Variants in CACNA1E observed in about 807,000 individuals in gnomAD.
CACNA1E encodes voltage-dependent R-type calcium channel subunit alpha-1E.
Under a neutral mutation model 259.2 loss-of-function variants are expected in CACNA1E, and 40 were observed. The ratio of observed to expected loss-of-function variants is 0.15; its 90% CI spans 0.12 to 0.20. The LOEUF (loss-of-function observed/expected upper bound fraction) is 0.20. CACNA1E is among the 10% of genes least tolerant of loss of function. CACNA1E has a pLI of 1.00. For synonymous variants in CACNA1E, 1,104 were observed against 1,138.5 expected (o/e 0.97, Z 0.61); for missense variants, 1,874 against 3,040.1 (o/e 0.62, Z 9.02).
chr1:181,338,656 A>C (rs1446388703), intron 1 of CACNA1E, among the ~76,000 whole-genome samples: 4 of 152,088 alleles, frequency 2.6e-5, no homozygotes, highest in Admixed American at 2.6e-4. Context: ...GAAGCTTTTT[A>C]GTTTGATGCA....
chr1:181,545,473 G>A (rs960409498), intron 3 of CACNA1E, among the ~76,000 whole-genome samples: 1 of 152,142 alleles, frequency 6.6e-6, no homozygotes, highest in East Asian at 1.9e-4. Context: ...GCAGGGCTGT[G>A]GGGGGATGGC....
intron 6 of CACNA1E, among the ~76,000 whole-genome samples, chr1:181,587,708 C>T (rs1301848998): frequency 1.3e-5 from 2 of 152,038 alleles, no homozygotes; most frequent in African/African-American, 4.8e-5. Flanking sequence ...ACGGTGAAAC[C>T]CCGTCTCTAC....
intron 6 of CACNA1E, among the ~76,000 whole-genome samples, chr1:181,588,380 C>G (rs1652302944): frequency 6.6e-6 from 1 of 152,216 alleles, no homozygotes; most frequent in South Asian, 2.1e-4. Context: ...GTGCCTTCTT[C>G]TTGGCCCCTG....
At chr1:181,360,761 G>A (rs1653803766) in intron 1 of CACNA1E, among the ~76,000 whole-genome samples, 1 of 152,064 alleles carries the variant, frequency 6.6e-6, no homozygotes, top group Non-Finnish European at 1.5e-5. Flanking sequence ...TCAATTTTGA[G>A]TACTGAAAAA....
chr1:181,590,902 C>G (rs1652582108), intron 6 of CACNA1E, among the ~76,000 whole-genome samples: 1 of 152,108 alleles, frequency 6.6e-6, no homozygotes, highest in Non-Finnish European at 1.5e-5. Flanking sequence ...TAAAATATAT[C>G]TTTTAACTAC....
intron 7 of CACNA1E, among the ~76,000 whole-genome samples, chr1:181,680,797 C>G (rs182332501): frequency 6.6e-6 from 1 of 152,280 alleles, no homozygotes; most frequent in African/African-American, 2.4e-5. Flanking sequence ...CTTCCTTCTC[C>G]CCTAGATTTC....
intron 1 of CACNA1E, among the ~76,000 whole-genome samples, chr1:181,505,792 T>C (rs1665661498): frequency 6.6e-6 from 1 of 152,120 alleles, no homozygotes; most frequent in African/African-American, 2.4e-5. Flanking sequence ...GGGTATACAG[T>C]GTGGAGAGTG....
At chr1:181,466,633 C>G (rs1435059209) in intron 2 of CACNA1E, among the ~76,000 whole-genome samples, 2 of 152,116 alleles carry the variant, frequency 1.3e-5, no homozygotes, top group Non-Finnish European at 2.9e-5. Flanking sequence ...TCTTTGTTAC[C>G]AGGACTAGTT....
intron 29 of CACNA1E, 32 bp from the exon 30 acceptor site, chr1:181,756,893 A>G (rs1215159285): frequency 7.0e-7 from 1 of 1,432,374 alleles, no homozygotes. Flanking sequence ...ACTGTCATCC[A>G]CCATCTGTGC....
intron 3 of CACNA1E, among the ~76,000 whole-genome samples, chr1:181,563,079 T>C (rs550673375): frequency 6.6e-6 from 1 of 152,244 alleles, no homozygotes; most frequent in African/African-American, 2.4e-5. Flanking sequence ...TTGTTTTCTC[T>C]GACAAATAGC....
chr1:181,474,066 A>G (rs1005735791), intron 2 of CACNA1E, among the ~76,000 whole-genome samples: 3 of 150,524 alleles, frequency 2.0e-5, no homozygotes, highest in African/African-American at 7.5e-5. Flanking sequence ...ATTATTCTTT[A>G]TTTGTTTGAT....
chr1:181,483,466 C>T (rs1315171389), upstream of CACNA1E: 2 of 320,700 alleles, frequency 6.2e-6, no homozygotes, highest in African/African-American at 2.1e-5. Flanking sequence ...ACTGGGCACC[C>T]CCAAGCCCTA....
At chr1:181,352,747 T>C (rs890009392) in intron 1 of CACNA1E, among the ~76,000 whole-genome samples, 1 of 152,080 alleles carries the variant, frequency 6.6e-6, no homozygotes, top group African/African-American at 2.4e-5. Flanking sequence ...GTGGTTGTGA[T>C]TGGAGGGTGC....
intron 2 of CACNA1E, among the ~76,000 whole-genome samples, chr1:181,453,042 A>G (rs1459212782): frequency 2.6e-5 from 4 of 152,226 alleles, no homozygotes; most frequent in African/African-American, 9.6e-5. Flanking sequence ...GTATTTGGAC[A>G]CTTTGTGGCA....
chr1:181,375,182 TGAA>T (rs1293026481), intron 1 of CACNA1E, among the ~76,000 whole-genome samples: 1 of 152,220 alleles, frequency 6.6e-6, no homozygotes, highest in Non-Finnish European at 1.5e-5. Context: ...ATAGTTGCTC[TGAA>T]GAAGATTTCT....
intron 7 of CACNA1E, among the ~76,000 whole-genome samples, chr1:181,664,044 G>C (rs1283052104): frequency 1.3e-5 from 2 of 152,158 alleles, no homozygotes; most frequent in Admixed American, 1.3e-4. Flanking sequence ...TTATTTTAGA[G>C]CATTTGGTTT....
chr1:181,677,411 A>G (rs1334841223), intron 7 of CACNA1E, among the ~76,000 whole-genome samples: 2 of 152,228 alleles, frequency 1.3e-5, no homozygotes, highest in Non-Finnish European at 2.9e-5. Context: ...ATGTAATTTT[A>G]AATGATACAA....
chr1:181,495,859 C>T (rs1664699099), intron 1 of CACNA1E, among the ~76,000 whole-genome samples: 1 of 152,198 alleles, frequency 6.6e-6, no homozygotes, highest in Non-Finnish European at 1.5e-5. Context: ...ACTTATTGAA[C>T]ATTTACTATG....
In CACNA1E at chr1:181,757,952, G is replaced by T. The variant is rs779279181; in HGVS notation, c.4335G>T (p.Ala1445=). The change falls in exon 31 of 48, where the codon GCG becomes GCT. Residue 1445 remains alanine, a synonymous_variant. Transcript: ENST00000367573. Reference sequence around the variant, plus strand: ...TAACCATGACTTTCTTGCAGAGGGCGTGCATCGACTTCGCCATCAGCGCCA... The same window carrying T: ...TAACCATGACTTTCTTGCAGAGGGCTTGCATCGACTTCGCCATCAGCGCCA... ...EECSLEKNER[A]CIDFAISAKP... is the part of the protein sequence containing the mutation. The T allele has an allele frequency of 6.2e-7, 1 of 1,613,726 alleles. No individual in the cohort carries two copies. The highest frequency in any genetic ancestry group is 1.3e-5 in the African/African-American group (1 of 74,918).
Sources: gnomAD v4.1 joint callset for allele counts (sites outside exome capture counted in the v4.1 genomes callset) on GRCh38, gnomAD v4.1.1 for gene constraint, MANE v1.5 for transcripts, NCBI Gene and HGNC (gene_info 2026-07-23, HGNC 2026-07-21) for gene names.